Variants in MBNL2 observed in about 807,000 individuals in gnomAD.
MBNL2 encodes muscleblind like splicing regulator 2.
A neutral mutation model predicts 41.9 loss-of-function variants in MBNL2; 17 were observed. That is an observed-to-expected ratio of 0.41 (90% CI 0.28 to 0.61). The LOEUF (loss-of-function observed/expected upper bound fraction) is 0.61, where lower values mean the gene tolerates loss of function less well. Among genes scored for constraint, MBNL2 ranks in the 20% least tolerant of loss-of-function variants. The probability of loss-of-function intolerance (pLI) is 0.35; values close to 1 mark genes in which losing one functional copy is unlikely to be tolerated. For synonymous variants in MBNL2, 195 were observed against 182.9 expected, an observed-to-expected ratio of 1.07 and a Z score of -0.53; for missense variants, 336 against 505.6, an observed-to-expected ratio of 0.66 and a Z score of 3.22.
At chr13:97,222,961 ATGTT>A (rs2041038608) in intron 1 of MBNL2, among the ~76,000 whole-genome samples, 1 of 152,212 alleles carries the variant, frequency 6.6e-6, no homozygotes, top group Non-Finnish European at 1.5e-5. Flanking sequence ...CATCGGTTGA[ATGTT>A]TGGCCAAACG....
chr13:97,199,904 A>G, the MBNL2 span, among the ~76,000 whole-genome samples: 1 of 152,222 alleles, frequency 6.6e-6, no homozygotes, highest in Non-Finnish European at 1.5e-5. Context: ...CCTCCCTGCA[A>G]TTGTGGAAGC....
chr13:97,236,540 G>A (rs2043313003), intron 1 of MBNL2, among the ~76,000 whole-genome samples: 1 of 149,230 alleles, frequency 6.7e-6, no homozygotes, highest in Non-Finnish European at 1.5e-5. Context: ...CTTTAATAAA[G>A]TTTTAAAAAT....
intron 1 of MBNL2, among the ~76,000 whole-genome samples, chr13:97,263,663 G>A (rs1307257386): frequency 6.6e-6 from 1 of 152,158 alleles, no homozygotes; most frequent in Non-Finnish European, 1.5e-5. Context: ...TGTCACCCAG[G>A]CTGGAGTGCG....
At chr13:97,246,720 C>T (rs2045546854) in intron 1 of MBNL2, among the ~76,000 whole-genome samples, 1 of 152,102 alleles carries the variant, frequency 6.6e-6, no homozygotes. Flanking sequence ...GAATTTTTGA[C>T]CCTGTAAAGA....
intron 3 of MBNL2, among the ~76,000 whole-genome samples, chr13:97,335,450 T>C (rs1209898710): frequency 6.6e-6 from 1 of 151,828 alleles, no homozygotes; most frequent in Non-Finnish European, 1.5e-5. Context: ...GATTTTCTTG[T>C]TGTGTTCCCT....
At chr13:97,318,382 G>T (rs1005875621) in intron 2 of MBNL2, among the ~76,000 whole-genome samples, 1 of 152,152 alleles carries the variant, frequency 6.6e-6, no homozygotes, top group Non-Finnish European at 1.5e-5. Context: ...CCTAGGACAA[G>T]ATCATTCATC....
intron 1 of MBNL2, among the ~76,000 whole-genome samples, chr13:97,269,902 C>T (rs2050603148): frequency 6.6e-6 from 1 of 152,182 alleles, no homozygotes; most frequent in South Asian, 2.1e-4. Context: ...GAGAGGAAGC[C>T]TGAAAGTAGA....
chr13:97,355,495 T>G (rs558849044), intron 5 of MBNL2, among the ~76,000 whole-genome samples: 16 of 152,178 alleles, frequency 1.1e-4, no homozygotes, highest in Admixed American at 2.0e-4. Flanking sequence ...TAGAGAAACC[T>G]TAGGGACTTA....
chr13:97,245,555 G>T (rs1175050888), intron 1 of MBNL2, among the ~76,000 whole-genome samples: 1 of 152,170 alleles, frequency 6.6e-6, no homozygotes, highest in Admixed American at 6.5e-5. Flanking sequence ...TGCAAGGGTG[G>T]TAGGCATTTC....
chr13:97,337,641 C>A (rs568476063), intron 3 of MBNL2, among the ~76,000 whole-genome samples: 1 of 152,256 alleles, frequency 6.6e-6, no homozygotes, highest in Admixed American at 6.5e-5. Flanking sequence ...ACTGGCCTCA[C>A]CTTTAAATTT....
At chr13:97,364,229 CACCTCCT>C (rs935142575) in intron 7 of MBNL2, among the ~76,000 whole-genome samples, 5 of 152,266 alleles carry the variant, frequency 3.3e-5, no homozygotes, top group African/African-American at 9.6e-5. Context: ...TTGCCCCTCC[CACCTCCT>C]ACCTCCCCAC....
At chr13:97,258,005 G>A (rs968873617) in intron 1 of MBNL2, among the ~76,000 whole-genome samples, 18 of 152,186 alleles carry the variant, frequency 1.2e-4, no homozygotes, top group Admixed American at 4.6e-4. Flanking sequence ...AACTGGTGAC[G>A]GCAGGGAAGC....
upstream of MBNL2, among the ~76,000 whole-genome samples, chr13:97,217,881 A>G (rs867758863): frequency 2.0e-5 from 3 of 152,290 alleles, no homozygotes; most frequent in Middle Eastern, 6.8e-3. Context: ...TAGGGGCCCA[A>G]CAGTAAAGAT....
chr13:97,324,774 C>A (rs999279227), intron 2 of MBNL2, among the ~76,000 whole-genome samples: 1 of 152,254 alleles, frequency 6.6e-6, no homozygotes, highest in South Asian at 2.1e-4. Context: ...CCCTGGCAAA[C>A]CACTGGTGTA....
the MBNL2 span, among the ~76,000 whole-genome samples, chr13:97,204,345 G>A: frequency 6.6e-6 from 1 of 152,178 alleles, no homozygotes; most frequent in Admixed American, 6.5e-5. Flanking sequence ...TGAATTTAGT[G>A]CCTTGGTCAG....
intron 2 of MBNL2, among the ~76,000 whole-genome samples, chr13:97,287,867 C>T (rs1232580840): frequency 1.5e-5 from 2 of 137,642 alleles, no homozygotes; most frequent in African/African-American, 5.5e-5. Flanking sequence ...GCCTCAGCCT[C>T]CTGAGTAGCT....
At chr13:97,217,110 C>T (rs1472448435), upstream of MBNL2, among the ~76,000 whole-genome samples, 1 of 148,028 alleles carries the variant, frequency 6.8e-6, no homozygotes, top group African/African-American at 2.5e-5. Context: ...ATATCATATA[C>T]AGTATGCATA....
the MBNL2 span, among the ~76,000 whole-genome samples, chr13:97,202,063 A>G: frequency 2.0e-5 from 3 of 152,250 alleles, no homozygotes; most frequent in South Asian, 6.2e-4. Context: ...TAATATTTTT[A>G]GATGTGATAA....
At chr13:97,387,353 G>T (rs2066005157) in intron 8 of MBNL2, among the ~76,000 whole-genome samples, 1 of 152,170 alleles carries the variant, frequency 6.6e-6, no homozygotes, top group Non-Finnish European at 1.5e-5. Context: ...GAGCCCTGGG[G>T]CAGGATGTGG....
Sources: allele counts gnomAD v4.1 joint callset (sites outside exome capture counted in the v4.1 genomes callset), GRCh38; gene constraint gnomAD v4.1.1; transcripts MANE v1.5; gene names NCBI Gene and HGNC (gene_info 2026-07-23, HGNC 2026-07-21).